CDH12: variants seen among roughly 807,000 people sequenced by gnomAD.
CDH12 encodes the protein cadherin 12.
Under a neutral mutation model 74.1 loss-of-function variants are expected in CDH12, and 41 were observed. The observed-to-expected ratio is 0.55, with a 90% CI of 0.43 to 0.72. CDH12 has a LOEUF of 0.72. Among genes scored for constraint, CDH12 ranks in the 30% least tolerant of loss-of-function variants. CDH12 has a pLI of 0.00. For synonymous variants in CDH12, 399 were observed against 355.0 expected (o/e 1.12, Z -1.39); for missense variants, 945 against 977.2 (o/e 0.97, Z 0.44).
intron 5 of CDH12, among the ~76,000 whole-genome samples, chr5:22,067,204 C>G (rs1280649285): frequency 6.6e-6 from 1 of 152,192 alleles, no homozygotes; most frequent in African/African-American, 2.4e-5. Context: ...GAGCAGGAAG[C>G]AGCAACTACT....
At chr5:22,402,423 C>A (rs1197984602) in intron 3 of CDH12, among the ~76,000 whole-genome samples, 1 of 152,144 alleles carries the variant, frequency 6.6e-6, no homozygotes, top group East Asian at 1.9e-4. Flanking sequence ...CAAACCAGAT[C>A]CTTGCTAGAA....
At chr5:22,411,235 C>T (rs2126472837) in intron 2 of CDH12, among the ~76,000 whole-genome samples, 1 of 151,992 alleles carries the variant, frequency 6.6e-6, no homozygotes, top group African/African-American at 2.4e-5. Context: ...TAGTATAAAA[C>T]TGCATATTAA....
At chr5:22,501,624 GA>G (rs1736151457) in intron 2 of CDH12, among the ~76,000 whole-genome samples, 1 of 151,672 alleles carries the variant, frequency 6.6e-6, no homozygotes, top group African/African-American at 2.4e-5. Flanking sequence ...ACCAAAATTA[GA>G]AATATCCCTG....
chr5:22,099,232 A>G (rs139855721), intron 4 of CDH12, among the ~76,000 whole-genome samples: 2 of 152,250 alleles, frequency 1.3e-5, no homozygotes, highest in South Asian at 4.1e-4. Context: ...TCCCACCTCT[A>G]TACGGTCTGA....
chr5:22,837,420 T>A (rs1165342612), intron 1 of CDH12, among the ~76,000 whole-genome samples: 3 of 151,854 alleles, frequency 2.0e-5, no homozygotes, highest in Non-Finnish European at 4.4e-5. Flanking sequence ...AAATAAAAAT[T>A]AAAATAAAAT....
intron 2 of CDH12, among the ~76,000 whole-genome samples, chr5:22,449,438 G>C (rs1744955902): frequency 3.9e-5 from 6 of 151,996 alleles, no homozygotes; most frequent in Admixed American, 3.3e-4. Flanking sequence ...ATGTTGAGCT[G>C]AAAGAGTGGG....
At chr5:21,883,143 A>G in intron 6 of CDH12, 1 of 1,538,686 alleles carries the variant, frequency 6.5e-7, no homozygotes, top group African/African-American at 1.4e-5. Flanking sequence ...AATTGGCAAT[A>G]TCATCTCTGA....
At chr5:22,777,902 C>T (rs1397422626) in intron 1 of CDH12, among the ~76,000 whole-genome samples, 1 of 152,052 alleles carries the variant, frequency 6.6e-6, no homozygotes, top group Non-Finnish European at 1.5e-5. Context: ...CAACCTTCAC[C>T]TCCTGGGTTC....
At chr5:21,945,428 A>AC (rs1491161084) in intron 6 of CDH12, among the ~76,000 whole-genome samples, 2 of 67,548 alleles carry the variant, frequency 3.0e-5, no homozygotes, top group African/African-American at 7.6e-5. Flanking sequence ...TGTTTCAGAC[A>AC]AAAAAAAAAA....
chr5:22,128,189 C>A (rs1487818032), intron 4 of CDH12, among the ~76,000 whole-genome samples: 4 of 152,068 alleles, frequency 2.6e-5, no homozygotes, highest in Non-Finnish European at 4.4e-5. Flanking sequence ...AGATGAGCTC[C>A]TGATCTTGAC....
chr5:22,707,348 T>C (rs1238074913), intron 1 of CDH12, among the ~76,000 whole-genome samples: 1 of 152,204 alleles, frequency 6.6e-6, no homozygotes, highest in Non-Finnish European at 1.5e-5. Flanking sequence ...AGGAAGGAAA[T>C]GTCTTCTATA....
chr5:22,766,456 A>C (rs572722724), intron 1 of CDH12, among the ~76,000 whole-genome samples: 2 of 152,108 alleles, frequency 1.3e-5, no homozygotes, highest in Non-Finnish European at 2.9e-5. Flanking sequence ...AAATTATTAG[A>C]TTATATTGAA....
chr5:22,056,308 TA>T (rs889151648), intron 5 of CDH12, among the ~76,000 whole-genome samples: 21 of 152,202 alleles, frequency 1.4e-4, no homozygotes, highest in African/African-American at 4.8e-4. Flanking sequence ...TAACTCTGAA[TA>T]AATGTTTTCC....
chr5:22,062,741 G>T (rs1741275432), intron 5 of CDH12, among the ~76,000 whole-genome samples: 1 of 152,082 alleles, frequency 6.6e-6, no homozygotes, highest in Admixed American at 6.6e-5. Context: ...GTATCAAGGT[G>T]GCTTTTTCTT....
At chr5:22,621,910 A>C (rs1737993599) in intron 1 of CDH12, among the ~76,000 whole-genome samples, 1 of 152,104 alleles carries the variant, frequency 6.6e-6, no homozygotes, top group Non-Finnish European at 1.5e-5. Context: ...TTTCAATGGA[A>C]TTTTACCAAA....
chr5:22,609,597 T>C (rs567153619), intron 1 of CDH12, among the ~76,000 whole-genome samples: 1 of 152,328 alleles, frequency 6.6e-6, no homozygotes, highest in South Asian at 2.1e-4. Flanking sequence ...AGAGAAATGC[T>C]CATTCTAAGC....
intron 6 of CDH12, among the ~76,000 whole-genome samples, chr5:21,949,081 G>A (rs1755707818): frequency 6.6e-6 from 1 of 152,098 alleles, no homozygotes; most frequent in Admixed American, 6.5e-5. Context: ...ATAGTAGTGT[G>A]AGAATGGACT....
chr5:21,835,110 T>C (rs1749456281), intron 8 of CDH12, among the ~76,000 whole-genome samples: 1 of 151,858 alleles, frequency 6.6e-6, no homozygotes, highest in African/African-American at 2.4e-5. Context: ...TTAACCAGAC[T>C]TTCCAGGAAA....
chr5:22,108,464 T>C (rs1334502766), intron 4 of CDH12, among the ~76,000 whole-genome samples: 3 of 152,218 alleles, frequency 2.0e-5, no homozygotes, highest in Non-Finnish European at 4.4e-5. Context: ...ATGAAGAGTA[T>C]AGTAGAAGGA....
Sources: allele counts gnomAD v4.1 joint callset (sites outside exome capture counted in the v4.1 genomes callset), GRCh38; gene constraint gnomAD v4.1.1; transcripts MANE v1.5; gene names NCBI Gene and HGNC (gene_info 2026-07-23, HGNC 2026-07-21).